The following GTF2IRD1 variants were observed in gnomAD, a reference collection of about 807,000 sequenced individuals.
GTF2IRD1 encodes the protein GTF2I repeat domain containing 1, also known as general transcription factor II-I repeat domain-containing protein 1.
GTF2IRD1 carries 26 observed loss-of-function variants against 113.2 expected under a neutral mutation model. The ratio of observed to expected loss-of-function variants is 0.23; its 90% CI spans 0.17 to 0.32. The LOEUF (loss-of-function observed/expected upper bound fraction) is 0.32. Among genes scored for constraint, GTF2IRD1 ranks in the 10% least tolerant of loss-of-function variants. The probability of loss-of-function intolerance (pLI) is 1.00; values close to 1 mark genes in which losing one functional copy is unlikely to be tolerated. For missense variants in GTF2IRD1, 864 were observed against 1,280.8 expected, an observed-to-expected ratio of 0.67 and a Z score of 4.97; for synonymous variants, 484 against 529.1, an observed-to-expected ratio of 0.91 and a Z score of 1.17.
chr7:74,597,028 C>T (rs1802458538), intron 25 of GTF2IRD1, among the ~76,000 whole-genome samples: 1 of 151,924 alleles, frequency 6.6e-6, no homozygotes, highest in Non-Finnish European at 1.5e-5. Flanking sequence ...GCCTGGATGA[C>T]AGAATGAGAC....
At chr7:74,470,048 AG>A (rs1793985589) in intron 1 of GTF2IRD1, among the ~76,000 whole-genome samples, 1 of 152,086 alleles carries the variant, frequency 6.6e-6, no homozygotes, top group African/African-American at 2.4e-5. Context: ...GCCAGGCTGG[AG>A]TGCAGCGGTG....
chr7:74,578,501 C>T (rs187188894), intron 22 of GTF2IRD1, among the ~76,000 whole-genome samples: 43 of 152,262 alleles, frequency 2.8e-4, no homozygotes, highest in African/African-American at 9.4e-4. Flanking sequence ...ATGACAAAGG[C>T]GTGTTATTGA....
chr7:74,559,495 T>G, intron 21 of GTF2IRD1, 132 bp from the exon 22 acceptor site: 1 of 734,120 alleles, frequency 1.4e-6, no homozygotes, highest in Non-Finnish European at 2.3e-6. Flanking sequence ...CAGGGCAGCT[T>G]GTTAAAATGC....
chr7:74,509,704 C>T (rs145357681), intron 2 of GTF2IRD1, among the ~76,000 whole-genome samples: 11,348 of 151,690 alleles, frequency 0.075, 1,307 homozygotes, highest in African/African-American at 0.25. Flanking sequence ...GACGGAGTTT[C>T]GCTCTGTCGC....
At chr7:74,467,055 A>G (rs1554331018) in intron 1 of GTF2IRD1, among the ~76,000 whole-genome samples, 1 of 151,478 alleles carries the variant, frequency 6.6e-6, no homozygotes, top group East Asian at 1.9e-4. Context: ...GGTTAAAGCA[A>G]TTCTGCCTTA....
At chr7:74,487,403 T>C (rs1479554468) in intron 1 of GTF2IRD1, 2 of 152,232 alleles carry the variant, frequency 1.3e-5, no homozygotes, top group African/African-American at 4.8e-5. Context: ...CTACTTGATA[T>C]CGTAAGAAAT....
Position 74,545,812 on chromosome 7 carries a change from G to A in GTF2IRD1, c.1732+3G>A. On this transcript the variant is annotated splice_donor_region_variant and intron_variant, in intron 16 of 26. Transcript: ENST00000424337. Reference sequence around the variant, plus strand: ...GCTGCTCTTCAACACACGATACGGTGAGCAAGAAGTGGGACAGGGTCTGGG... The same window carrying A: ...GCTGCTCTTCAACACACGATACGGTAAGCAAGAAGTGGGACAGGGTCTGGG... 1 of 1,610,486 alleles carries A rather than the reference G, an allele frequency of 6.2e-7. No homozygotes were observed. Among genetic ancestry groups the A allele is most frequent in the South Asian group, 1.1e-5 (1 of 90,980 alleles).
chr7:74,534,227 G>A (rs1051473747), intron 9 of GTF2IRD1, among the ~76,000 whole-genome samples: 1 of 152,156 alleles, frequency 6.6e-6, no homozygotes, highest in Non-Finnish European at 1.5e-5. Flanking sequence ...GCCAGAAGAG[G>A]CCCCCAGGGA....
chr7:74,597,538 G>A (rs1802497132), intron 25 of GTF2IRD1, among the ~76,000 whole-genome samples: 1 of 151,714 alleles, frequency 6.6e-6, no homozygotes, highest in African/African-American at 2.4e-5. Context: ...GTAGAAGTGA[G>A]GTTTCACCAT....
intron 14 of GTF2IRD1, among the ~76,000 whole-genome samples, chr7:74,540,647 G>A (rs587680983): frequency 1.3e-5 from 2 of 151,696 alleles, no homozygotes; most frequent in African/African-American, 4.8e-5. Context: ...TAGATGGATA[G>A]TACGCAAATA....
intron 1 of GTF2IRD1, among the ~76,000 whole-genome samples, chr7:74,457,877 GTTT>G (rs1219714627): frequency 8.1e-6 from 1 of 122,770 alleles, no homozygotes. Context: ...TTACGTTTTT[GTTT>G]TTTTTTTTTT....
At chr7:74,560,547 TA>T (rs1799889099) in intron 22 of GTF2IRD1, among the ~76,000 whole-genome samples, 3 of 147,012 alleles carry the variant, frequency 2.0e-5, no homozygotes, top group South Asian at 2.1e-4. Context: ...TATATATAAT[TA>T]AAAATATTAT....
At chr7:74,571,679 TAA>T (rs1411410402) in intron 22 of GTF2IRD1, among the ~76,000 whole-genome samples, 1 of 151,950 alleles carries the variant, frequency 6.6e-6, no homozygotes, top group East Asian at 1.9e-4. Flanking sequence ...CTGGGAAACA[TAA>T]AGAGATCCTG....
At chr7:74,594,444 C>T (rs1210034276) in intron 24 of GTF2IRD1, among the ~76,000 whole-genome samples, 1 of 152,138 alleles carries the variant, frequency 6.6e-6, no homozygotes, top group Non-Finnish European at 1.5e-5. Flanking sequence ...GCACACATTT[C>T]TGATCACTTG....
chr7:74,566,932 C>T (rs1800355281), intron 22 of GTF2IRD1, among the ~76,000 whole-genome samples: 1 of 152,206 alleles, frequency 6.6e-6, no homozygotes, highest in African/African-American at 2.4e-5. Flanking sequence ...CAGGGTGGCT[C>T]TTTGCTGTCC....
chr7:74,461,972 C>T (rs782671870), intron 1 of GTF2IRD1, among the ~76,000 whole-genome samples: 6 of 152,166 alleles, frequency 3.9e-5, no homozygotes, highest in Admixed American at 6.6e-5. Context: ...GTCCAACCCC[C>T]GTCAAGACAT....
At chr7:74,571,465 C>T (rs1259400534) in intron 22 of GTF2IRD1, among the ~76,000 whole-genome samples, 4 of 152,168 alleles carry the variant, frequency 2.6e-5, no homozygotes, top group Non-Finnish European at 4.4e-5. Flanking sequence ...CCCCACTGGT[C>T]GGGGCCAAGC....
intron 1 of GTF2IRD1, among the ~76,000 whole-genome samples, chr7:74,504,587 C>T (rs188217685): frequency 3.2e-5 from 4 of 125,506 alleles, no homozygotes; most frequent in Admixed American, 3.2e-4. Flanking sequence ...AGACAGCCTT[C>T]TTCCCCGCTG....
chr7:74,571,645 T>G (rs587708591), intron 22 of GTF2IRD1, among the ~76,000 whole-genome samples: 69 of 152,292 alleles, frequency 4.5e-4, no homozygotes, highest in South Asian at 1.2e-3. Flanking sequence ...GAGGGTCACT[T>G]GCATCCAGGA....
Sources: gnomAD v4.1 joint callset for allele counts (sites outside exome capture counted in the v4.1 genomes callset) on GRCh38, gnomAD v4.1.1 for gene constraint, MANE v1.5 for transcripts, NCBI Gene and HGNC (gene_info 2026-07-23, HGNC 2026-07-21) for gene names.